GALNT13: variants seen among roughly 807,000 people sequenced by gnomAD.
The protein encoded by GALNT13 is UDP-GalNAc:polypeptide N-acetylgalactosaminyltransferase 13.
A neutral mutation model predicts 64.2 loss-of-function variants in GALNT13; 28 were observed. The observed-to-expected ratio is 0.44, with a 90% CI of 0.32 to 0.60. The LOEUF is 0.60. Ranked by LOEUF, GALNT13 falls within the 20% of genes least tolerant of loss-of-function variation. GALNT13 has a pLI of 0.05. For synonymous variants in GALNT13, 214 were observed against 224.6 expected, an observed-to-expected ratio of 0.95 and a Z score of 0.42; for missense variants, 577 against 669.8, an observed-to-expected ratio of 0.86 and a Z score of 1.53.
At chr2:153,106,694 T>C in the GALNT13 span, among the ~76,000 whole-genome samples, 2 of 152,112 alleles carry the variant, frequency 1.3e-5, no homozygotes, top group Non-Finnish European at 2.9e-5. Flanking sequence ...TCTGAGCCTA[T>C]AGGATTAGGA....
At chr2:153,698,467 A>C in the GALNT13 span, among the ~76,000 whole-genome samples, 1 of 152,240 alleles carries the variant, frequency 6.6e-6, no homozygotes, top group Non-Finnish European at 1.5e-5. Flanking sequence ...AACAGACTTT[A>C]AACTAGCAAA....
At chr2:153,852,193 C>T in the GALNT13 span, among the ~76,000 whole-genome samples, 3 of 152,056 alleles carry the variant, frequency 2.0e-5, no homozygotes, top group Non-Finnish European at 4.4e-5. Flanking sequence ...TCTATAACTA[C>T]ATTAAATGTA....
intron 6 of GALNT13, 39 bp downstream of exon 6, chr2:154,242,944 G>A (rs769997761): frequency 6.6e-7 from 1 of 1,524,198 alleles, no homozygotes; most frequent in Admixed American, 1.7e-5. Context: ...GGTTATGACT[G>A]AACCTCTTAG....
the GALNT13 span, among the ~76,000 whole-genome samples, chr2:153,430,055 G>C: frequency 2.0e-5 from 3 of 152,256 alleles, no homozygotes; most frequent in Admixed American, 2.0e-4. Flanking sequence ...TGGGAACTGT[G>C]TGAATCATTA....
At chr2:153,777,791 TG>T in the GALNT13 span, among the ~76,000 whole-genome samples, 1 of 152,006 alleles carries the variant, frequency 6.6e-6, no homozygotes, top group African/African-American at 2.4e-5. Flanking sequence ...CCCCAGTGGG[TG>T]TGTGTTACAG....
At chr2:153,588,271 C>T in the GALNT13 span, among the ~76,000 whole-genome samples, 1 of 152,278 alleles carries the variant, frequency 6.6e-6, no homozygotes, top group Non-Finnish European at 1.5e-5. Flanking sequence ...CTAGGCAGTG[C>T]CCCAGTAAAT....
intron 4 of GALNT13, 25 bp from the exon 5 acceptor site, chr2:154,242,005 A>C (rs756463186): frequency 8.8e-6 from 13 of 1,485,472 alleles, no homozygotes; most frequent in Non-Finnish European, 1.2e-5. Context: ...ATTTATTAAG[A>C]TCCCTCTTCT....
chr2:153,919,935 T>A (rs1689637452), intron 2 of GALNT13, among the ~76,000 whole-genome samples: 1 of 149,396 alleles, frequency 6.7e-6, no homozygotes, highest in African/African-American at 2.4e-5. Flanking sequence ...GTATAGGGGT[T>A]GGACTTGAAT....
the GALNT13 span, among the ~76,000 whole-genome samples, chr2:153,422,656 A>G: frequency 6.7e-6 from 1 of 149,928 alleles, no homozygotes; most frequent in Non-Finnish European, 1.5e-5. Flanking sequence ...TAAGAGAGAG[A>G]GGCTTTAATG....
At chr2:153,771,506 C>T in the GALNT13 span, among the ~76,000 whole-genome samples, 3 of 151,920 alleles carry the variant, frequency 2.0e-5, no homozygotes, top group Admixed American at 6.6e-5. Context: ...TACCTTTGCA[C>T]CAAGATTTCT....
At chr2:154,212,553 T>A (rs1687835668) in intron 4 of GALNT13, among the ~76,000 whole-genome samples, 1 of 152,112 alleles carries the variant, frequency 6.6e-6, no homozygotes, top group African/African-American at 2.4e-5. Flanking sequence ...CCAGGCAATT[T>A]AAATGTACAT....
chr2:153,653,599 G>C, the GALNT13 span, among the ~76,000 whole-genome samples: 1 of 152,084 alleles, frequency 6.6e-6, no homozygotes, highest in Non-Finnish European at 1.5e-5. Context: ...AATGACCAAA[G>C]CTGGGACAAT....
chr2:153,197,798 C>A, the GALNT13 span, among the ~76,000 whole-genome samples: 3 of 152,192 alleles, frequency 2.0e-5, no homozygotes, highest in African/African-American at 7.2e-5. Context: ...CTAGGTACCA[C>A]GTGCTTCGGT....
At chr2:154,306,187 A>G (rs1256825903) in intron 9 of GALNT13, among the ~76,000 whole-genome samples, 1 of 152,054 alleles carries the variant, frequency 6.6e-6, no homozygotes, top group African/African-American at 2.4e-5. Flanking sequence ...GTTCTGGGAT[A>G]CATGTGCAGA....
chr2:154,383,163 T>C lies in GALNT13; in HGVS notation c.1157-12828T>C, dbSNP rs1574205269. Reference sequence around the variant, plus strand: ...AACAGAAGTACACAATCCCAGAAAATAGGCTAGCCTACTCTTCTGTTAGGA... The same window carrying C: ...AACAGAAGTACACAATCCCAGAAAACAGGCTAGCCTACTCTTCTGTTAGGA... On this transcript the variant is annotated intron_variant, in intron 9 of 12. Coordinates refer to ENST00000392825, the MANE Select transcript of GALNT13 (RefSeq NM_052917.4). Among the ~76,000 whole-genome samples the C allele has an allele frequency of 5.3e-5, 8 of 151,870 alleles. No homozygotes were observed. In the South Asian group the frequency reaches 1.0e-3, roughly 20 times the overall value.
chr2:153,715,811 T>C, the GALNT13 span, among the ~76,000 whole-genome samples: 3 of 149,582 alleles, frequency 2.0e-5, no homozygotes, highest in African/African-American at 7.4e-5. Flanking sequence ...GCTAGCTCCC[T>C]CTTTTCTTCT....
chr2:154,232,962 C>T (rs918543659), intron 4 of GALNT13, among the ~76,000 whole-genome samples: 4 of 149,894 alleles, frequency 2.7e-5, no homozygotes, highest in African/African-American at 9.8e-5. Flanking sequence ...GATGCTTGAG[C>T]CCAGGAGGCG....
the GALNT13 span, among the ~76,000 whole-genome samples, chr2:153,466,305 T>C: frequency 2.6e-5 from 4 of 152,092 alleles, no homozygotes; most frequent in Non-Finnish European, 5.9e-5. Flanking sequence ...TAATCCCCCC[T>C]GACTGTGTCA....
the GALNT13 span, among the ~76,000 whole-genome samples, chr2:153,332,814 C>T: frequency 6.6e-6 from 1 of 152,142 alleles, no homozygotes; most frequent in Non-Finnish European, 1.5e-5. Context: ...GTCTGGAGAC[C>T]TGCTTTAGGG....
Sources: gnomAD v4.1 joint callset for allele counts (sites outside exome capture counted in the v4.1 genomes callset) on GRCh38, gnomAD v4.1.1 for gene constraint, MANE v1.5 for transcripts, NCBI Gene and HGNC (gene_info 2026-07-23, HGNC 2026-07-21) for gene names.